EEF1AKMT4: variants seen among roughly 807,000 people sequenced by gnomAD.
EEF1AKMT4 encodes the protein EEF1A lysine methyltransferase 4.
Under a neutral mutation model 23.0 loss-of-function variants are expected in EEF1AKMT4, and 17 were observed. The observed-to-expected ratio is 0.74, with a 90% CI of 0.51 to 1.11. The LOEUF (loss-of-function observed/expected upper bound fraction) is 1.11, where lower values mean the gene tolerates loss of function less well. Ranked by LOEUF, EEF1AKMT4 falls within the 50% of genes least tolerant of loss-of-function variation. EEF1AKMT4 has a pLI of 0.00. For synonymous variants in EEF1AKMT4, 140 were observed against 141.4 expected (o/e 0.99, Z 0.07); for missense variants, 318 against 333.4 (o/e 0.95, Z 0.36).
At chr3:184,254,432 C>T (rs545477405) in intron 1 of EEF1AKMT4, among the ~76,000 whole-genome samples, 1 of 150,546 alleles carries the variant, frequency 6.6e-6, no homozygotes, top group Non-Finnish European at 1.5e-5. Flanking sequence ...CAGCCGGGTG[C>T]GGTGGCTCAT....
chr3:184,251,099 A>G (rs1475802804), intron 1 of EEF1AKMT4, among the ~76,000 whole-genome samples: 5 of 130,884 alleles, frequency 3.8e-5, no homozygotes, highest in East Asian at 2.2e-4. Flanking sequence ...AAAAAAAAAA[A>G]AAAAAGAAAA....
At chr3:184,252,262 A>G (rs1577114035) in intron 1 of EEF1AKMT4, among the ~76,000 whole-genome samples, 3 of 152,300 alleles carry the variant, frequency 2.0e-5, no homozygotes, top group Non-Finnish European at 1.5e-5. Context: ...TTTAAAAAAA[A>G]TCTGCTTAAC....
chr3:184,255,566 C>A (rs574828839), intron 1 of EEF1AKMT4, among the ~76,000 whole-genome samples: 1 of 152,320 alleles, frequency 6.6e-6, no homozygotes, highest in East Asian at 1.9e-4. Flanking sequence ...TCACCCAGCT[C>A]CATTGTCAAG....
At chr3:184,250,746 G>A (rs905258944) in intron 1 of EEF1AKMT4, among the ~76,000 whole-genome samples, 2 of 152,202 alleles carry the variant, frequency 1.3e-5, no homozygotes, top group Non-Finnish European at 1.5e-5. Context: ...CTCAGTTTGA[G>A]AAATAGAACA....
At chr3:184,254,973 G>T (rs1456155225) in intron 1 of EEF1AKMT4, among the ~76,000 whole-genome samples, 4 of 152,160 alleles carry the variant, frequency 2.6e-5, no homozygotes, top group Non-Finnish European at 5.9e-5. Context: ...CCCCTTCTTA[G>T]TTGCTGGCCC....
chr3:184,251,203 A>G (rs1719537162), intron 1 of EEF1AKMT4, among the ~76,000 whole-genome samples: 1 of 152,086 alleles, frequency 6.6e-6, no homozygotes, highest in Admixed American at 6.6e-5. Context: ...GCAGGAGCTC[A>G]AGACCAGCCT....
rs1367970628 is a variant in EEF1AKMT4, at chr3:184,249,804, C to T, written c.110C>T (p.Ala37Val). The part of the protein sequence containing the change: ...DQRYQGAADS[A>V]PYDWFGDFSS... ...CGCTACCAAGGCGCAGCCGATTCTGCCCCCTACGATTGGTTCGGGGACTTC... is the reference window on the plus strand; with the variant it reads ...CGCTACCAAGGCGCAGCCGATTCTGTCCCCTACGATTGGTTCGGGGACTTC... The change falls in exon 1 of 3, where the codon GCC (alanine) becomes GTC (valine). Residue 37 changes from alanine (A) to valine (V), a missense_variant. Transcript: ENST00000324557. 20 of 1,613,404 alleles carry T rather than the reference C, an allele frequency of 1.2e-5. No homozygotes were observed. The highest frequency in any genetic ancestry group is 1.7e-5 in the Non-Finnish European group (20 of 1,180,000).
intron 1 of EEF1AKMT4, among the ~76,000 whole-genome samples, chr3:184,253,757 C>G (rs555481060): frequency 6.6e-6 from 1 of 151,412 alleles, no homozygotes; most frequent in Non-Finnish European, 1.5e-5. Context: ...GCAAACTCCA[C>G]CTCCTGGGTT....
intron 1 of EEF1AKMT4, among the ~76,000 whole-genome samples, chr3:184,253,922 G>A (rs963638280): frequency 9.2e-5 from 14 of 152,064 alleles, no homozygotes; most frequent in Admixed American, 6.6e-5. Context: ...TGCCCGCCTC[G>A]GCCTCCCGAA....
chr3:184,253,274 G>A (rs928527754), intron 1 of EEF1AKMT4, among the ~76,000 whole-genome samples: 13 of 152,092 alleles, frequency 8.5e-5, no homozygotes, highest in East Asian at 1.9e-4. Context: ...AATAAAAATC[G>A]GTAAAAAGAC....
chr3:184,257,403 T>G, intron 1 of EEF1AKMT4, 70 bp from the exon 2 acceptor site: 6 of 1,476,576 alleles, frequency 4.1e-6, no homozygotes, highest in Non-Finnish European at 5.5e-6. Context: ...CAAGAGTGGA[T>G]GGATATTCAG....
rs542307135 is a variant in EEF1AKMT4 at position 184,250,445 on chromosome 3, G to C, written c.196+555G>C. 6.6e-5 allele frequency among the ~76,000 whole-genome samples: 10 copies of C among 152,318 alleles called. No individual in the cohort carries two copies. The South Asian group carries it at 1.9e-3, about 28-fold the overall frequency. On this transcript the variant is annotated intron_variant, in intron 1 of 2. Coordinates refer to ENST00000324557, the MANE Select transcript of EEF1AKMT4 (RefSeq NM_032331.4). ...AGAGTGAGAACAGCACCCTCTAGGGGTGGAGGGGAGATTGCCGCCCAGGGT... is the reference window on the plus strand; with the variant it reads ...AGAGTGAGAACAGCACCCTCTAGGGCTGGAGGGGAGATTGCCGCCCAGGGT...
chr3:184,254,735 T>C (rs1314847228), intron 1 of EEF1AKMT4, among the ~76,000 whole-genome samples: 1 of 151,948 alleles, frequency 6.6e-6, no homozygotes, highest in Non-Finnish European at 1.5e-5. Flanking sequence ...AGATTTCCTA[T>C]AAAGAGAAAA....
intron 1 of EEF1AKMT4, among the ~76,000 whole-genome samples, chr3:184,250,858 C>T (rs1318859840): frequency 3.4e-5 from 5 of 147,620 alleles, no homozygotes; most frequent in Non-Finnish European, 7.5e-5. Context: ...CCAAGGCGGG[C>T]GGATCACCTG....
At chr3:184,258,017 A>G (rs1719891545) in intron 2 of EEF1AKMT4, among the ~76,000 whole-genome samples, 1 of 152,166 alleles carries the variant, frequency 6.6e-6, no homozygotes, top group African/African-American at 2.4e-5. Context: ...GGTTCCTGAC[A>G]GGTGACAGAG....
chr3:184,257,871 C>T (rs1245815309), intron 2 of EEF1AKMT4, 115 bp downstream of exon 2: 10 of 1,338,662 alleles, frequency 7.5e-6, no homozygotes, highest in African/African-American at 4.4e-5. Flanking sequence ...AGTAGTGGGT[C>T]GCCCTCAGGA....
rs755124140 is a variant in EEF1AKMT4 at position 184,257,658 on chromosome 3, C to T, written c.382C>T (p.Leu128Phe). The change falls in exon 2 of 3, where the codon CTC (leucine) becomes TTC (phenylalanine). Residue 128 changes from leucine to phenylalanine, a missense_variant. Coordinates refer to ENST00000324557, the MANE Select transcript of EEF1AKMT4 (RefSeq NM_032331.4). ...CCCCAGTGCTTCTTTTGATGTGGTG[C>T]TCGAGAAGGGCACGCTGGATGCCCT... is the stretch of plus-strand genomic sequence containing the variant. ...DFPSASFDVV[L>F]EKGTLDALLA... 3 of 1,614,178 alleles carry T rather than the reference C, an allele frequency of 1.9e-6. No homozygotes were observed. Among genetic ancestry groups the T allele is most frequent in the Non-Finnish European group, 1.7e-6 (2 of 1,180,046 alleles).
At chr3:184,252,333 C>G (rs1719597036) in intron 1 of EEF1AKMT4, among the ~76,000 whole-genome samples, 1 of 152,108 alleles carries the variant, frequency 6.6e-6, no homozygotes, top group African/African-American at 2.4e-5. Flanking sequence ...AGGGGAATTT[C>G]TAGAATCCCC....
chr3:184,258,144 T>C, intron 2 of EEF1AKMT4, 144 bp from the exon 3 acceptor site: 3 of 790,456 alleles, frequency 3.8e-6, no homozygotes, highest in Non-Finnish European at 6.2e-6. Flanking sequence ...GCAGAGAAAG[T>C]GGCTCACTCT....
Sources: allele counts gnomAD v4.1 joint callset (sites outside exome capture counted in the v4.1 genomes callset), GRCh38; gene constraint gnomAD v4.1.1; transcripts MANE v1.5; gene names NCBI Gene and HGNC (gene_info 2026-07-23, HGNC 2026-07-21).